The following NOTCH2NLC variants were observed in gnomAD, a reference collection of about 807,000 sequenced individuals.
NOTCH2NLC encodes the protein notch 2 N-terminal like C.
A neutral mutation model predicts 17.7 loss-of-function variants in NOTCH2NLC; 4 were observed. The observed-to-expected ratio is 0.23, with a 90% CI of 0.11 to 0.52. The LOEUF (loss-of-function observed/expected upper bound fraction) is 0.52, where lower values mean the gene tolerates loss of function less well. Among genes scored for constraint, NOTCH2NLC ranks in the 20% least tolerant of loss-of-function variants. The pLI is 0.96. For synonymous variants in NOTCH2NLC, 18 were observed against 86.0 expected (o/e 0.21, Z 4.38); for missense variants, 57 against 207.2 (o/e 0.28, Z 4.45).
chr1:149,390,829 C>A lies in NOTCH2NLC; in HGVS notation c.42C>A (p.Gly14=), dbSNP rs1388357175. ...GCGGCGGCGGCGGCGGCGGCGGCGG[C>A]GGAGGAGGCGGCGACCGAGAAGATG... The part of the protein sequence containing the change: ...CPGGGGGGGG[G]GGGGDREDAR... Residue 14 remains glycine (G), a synonymous_variant, in exon 1 of 5, where the codon GGC becomes GGA. Transcript: ENST00000650865. 929 of 1,285,222 alleles carry A rather than the reference C, an allele frequency of 7.2e-4. 52 individuals carry two copies. The highest frequency in any genetic ancestry group is 1.2e-3 in the South Asian group (61 of 52,650). The allele number at this position is 1,285,222 out of a possible 1,614,324, so 79.6% of individuals were successfully genotyped here.
At chr1:149,462,824 G>A (rs1195068581) in intron 3 of NOTCH2NLC, among the ~76,000 whole-genome samples, 5 of 139,986 alleles carry the variant, frequency 3.6e-5, no homozygotes, top group Non-Finnish European at 7.7e-5. Context: ...GAAAACAGAC[G>A]GGAAGTTGAT....
intron 1 of NOTCH2NLC, 75 bp downstream of exon 1, chr1:149,390,997 C>T: frequency 8.5e-7 from 1 of 1,176,224 alleles, no homozygotes; most frequent in Middle Eastern, 3.3e-4. Flanking sequence ...CCCCCTCGGT[C>T]CTTCTCTGTG....
intron 1 of NOTCH2NLC, among the ~76,000 whole-genome samples, chr1:149,394,780 C>A (rs2084195799): frequency 6.6e-6 from 1 of 150,984 alleles, no homozygotes; most frequent in Non-Finnish European, 1.5e-5. Flanking sequence ...TTCCTTCCAC[C>A]CTTTCCTGAT....
At position 149,417,097 on chromosome 1, in the gene NOTCH2NLC, CTTTTTTTTTTTT is replaced by C. The variant is rs1171555647; in HGVS notation, c.136-13826_136-13815del. 3.0e-4 allele frequency among the ~76,000 whole-genome samples: 21 copies of C among 69,590 alleles called. 2 individuals are homozygous for C. The highest frequency in any genetic ancestry group is 1.0e-3 in the East Asian group (2 of 1,964). 45.7% of individuals were successfully genotyped at this position (69,590 alleles called of 152,430 possible). A position where few individuals can be genotyped will look rare whatever the true frequency, so the allele number is the denominator to read the frequency against. ...AGATTATGGTGGATATCAGGTTTTC[CTTTTTTTTTTTT>C]TTTTTTTTTTTTTTTTTTGAGACAG... On this transcript the variant is annotated intron_variant, in intron 1 of 4. Coordinates refer to ENST00000650865, the MANE Select transcript of NOTCH2NLC (RefSeq NM_001364013.2).
chr1:149,433,394 T>A (rs1272828912), intron 2 of NOTCH2NLC, among the ~76,000 whole-genome samples: 3 of 148,974 alleles, frequency 2.0e-5, no homozygotes, highest in Admixed American at 6.7e-5. Flanking sequence ...CATGTATACC[T>A]ATGAAACAAA....
intron 1 of NOTCH2NLC, among the ~76,000 whole-genome samples, 185 bp from the exon 2 acceptor site, chr1:149,430,757 T>C (rs1261348839): frequency 2.7e-5 from 4 of 149,746 alleles, no homozygotes; most frequent in African/African-American, 9.8e-5. Context: ...TGTTGGAAGA[T>C]AGTTTTGGGA....
chr1:149,400,132 A>ATATATATATAT (rs1464101913), intron 1 of NOTCH2NLC, among the ~76,000 whole-genome samples: 54 of 124,906 alleles, frequency 4.3e-4, no homozygotes, highest in Middle Eastern at 4.2e-3. Flanking sequence ...ATATATATAT[A>ATATATATATAT]ATATATATTT....
intron 1 of NOTCH2NLC, among the ~76,000 whole-genome samples, chr1:149,424,911 G>A (rs1331282434): frequency 2.0e-5 from 3 of 151,266 alleles, no homozygotes; most frequent in Non-Finnish European, 3.0e-5. Flanking sequence ...ACTCATTACT[G>A]TGGGTGGGCA....
chr1:149,396,178 GA>G (rs2084207528), intron 1 of NOTCH2NLC, among the ~76,000 whole-genome samples: 1 of 137,376 alleles, frequency 7.3e-6, no homozygotes, highest in African/African-American at 2.7e-5. Context: ...CCCACCCACA[GA>G]CTTTTTTTGC....
rs2084446350 is a variant in NOTCH2NLC, at chr1:149,431,029, T to G, written c.209+14T>G. The G allele has an allele frequency of 3.1e-6, 1 of 324,544 alleles. No individual in the cohort carries two copies. 20.1% of individuals were successfully genotyped at this position (324,544 alleles called of 1,614,324 possible). On this transcript the variant is annotated intron_variant, in intron 2 of 4. Transcript: ENST00000650865. ...AGGATACTGCAAGTAAGTTTTTCTC[T>G]TCATATATTTTCTTTTTGCGATAGA...
intron 1 of NOTCH2NLC, among the ~76,000 whole-genome samples, chr1:149,395,636 A>G (rs1186875106): frequency 3.4e-5 from 5 of 146,540 alleles, no homozygotes; most frequent in Non-Finnish European, 7.6e-5. Flanking sequence ...GAATAGCCAC[A>G]CCTTATTGTA....
intron 2 of NOTCH2NLC, among the ~76,000 whole-genome samples, chr1:149,435,858 C>T (rs1442176970): frequency 6.8e-6 from 1 of 146,646 alleles, no homozygotes; most frequent in Non-Finnish European, 1.5e-5. Context: ...CTTGCACACT[C>T]TTCCTCTTCT....
rs2084721537 is a variant in NOTCH2NLC at position 149,471,736 on chromosome 1, G to A, written c.*7583G>A. ...GCAGAACTTTTGGAATATGGTAAAA[G>A]ACACTGAAATATATGCTTAAAAATG... is the stretch of plus-strand genomic sequence containing the variant. On this transcript the variant is annotated 3_prime_UTR_variant, in exon 5 of 5. Coordinates refer to ENST00000650865, the MANE Select transcript of NOTCH2NLC (RefSeq NM_001364013.2). Among the ~76,000 whole-genome samples, 1 of 147,992 alleles carries A rather than the reference G, an allele frequency of 6.8e-6. No homozygotes were observed. The highest frequency in any genetic ancestry group is 1.5e-5 in the Non-Finnish European group (1 of 66,908).
At chr1:149,441,073 G>A (rs1202863210) in intron 2 of NOTCH2NLC, among the ~76,000 whole-genome samples, 6 of 149,576 alleles carry the variant, frequency 4.0e-5, no homozygotes, top group East Asian at 2.0e-4. Flanking sequence ...CATGTTTTGC[G>A]AGGAAAATCA....
At chr1:149,421,498 C>CAAAAA (rs1186003741) in intron 1 of NOTCH2NLC, among the ~76,000 whole-genome samples, 2 of 36,940 alleles carry the variant, frequency 5.4e-5, no homozygotes, top group Admixed American at 4.7e-4. Context: ...GACTCCATCT[C>CAAAAA]AAAAAAAAAA....
intron 2 of NOTCH2NLC, among the ~76,000 whole-genome samples, chr1:149,444,966 AG>A (rs1317229777): frequency 1.3e-5 from 2 of 149,680 alleles, no homozygotes; most frequent in Non-Finnish European, 1.5e-5. Flanking sequence ...ATTTGAGAAA[AG>A]GGGGGGTTGA....
intron 2 of NOTCH2NLC, among the ~76,000 whole-genome samples, chr1:149,445,559 C>G (rs1435937510): frequency 6.7e-6 from 1 of 149,784 alleles, no homozygotes; most frequent in African/African-American, 2.5e-5. Flanking sequence ...ACAGCTCCCC[C>G]CTCTAGAGCT....
rs1380419671 is a variant in NOTCH2NLC at position 149,448,590 on chromosome 1, G to A, written c.210-6728G>A. On this transcript the variant is annotated intron_variant, in intron 2 of 4. Coordinates refer to ENST00000650865, the MANE Select transcript of NOTCH2NLC (RefSeq NM_001364013.2). ...TACACATATCCATTGGGTATGAGTC[G>A]GAGCATTATTCTTTCTTGAACTGCG... Among the ~76,000 whole-genome samples the A allele has an allele frequency of 5.8e-4, 87 of 149,366 alleles. 2 individuals are homozygous for A. Among genetic ancestry groups the A allele is most frequent in the Non-Finnish European group, 1.1e-3 (71 of 67,012 alleles).
At chr1:149,460,205 C>T (rs2084633957) in intron 3 of NOTCH2NLC, among the ~76,000 whole-genome samples, 1 of 146,020 alleles carries the variant, frequency 6.8e-6, no homozygotes, top group Non-Finnish European at 1.5e-5. Context: ...CATATACCCA[C>T]TTAAAATATT....
Sources: allele counts gnomAD v4.1 joint callset (sites outside exome capture counted in the v4.1 genomes callset), GRCh38; gene constraint gnomAD v4.1.1; transcripts MANE v1.5; gene names NCBI Gene and HGNC (gene_info 2026-07-23, HGNC 2026-07-21).